The following DGKB variants were observed in gnomAD, a reference collection of about 807,000 sequenced individuals.
DGKB encodes the protein 90 kDa diacylglycerol kinase.
DGKB carries 67 observed loss-of-function variants against 114.3 expected under a neutral mutation model. That is an observed-to-expected ratio of 0.59 (90% CI 0.48 to 0.72). The LOEUF (loss-of-function observed/expected upper bound fraction) is 0.72, where lower values mean the gene tolerates loss of function less well. Ranked by LOEUF, DGKB falls within the 30% of genes least tolerant of loss-of-function variation. DGKB has a pLI of 0.00. For synonymous variants in DGKB, 398 were observed against 323.1 expected (o/e 1.23, Z -2.49); for missense variants, 907 against 975.2 (o/e 0.93, Z 0.93).
chr7:14,285,130 A>G (rs1800670824), intron 23 of DGKB, among the ~76,000 whole-genome samples: 1 of 152,188 alleles, frequency 6.6e-6, no homozygotes, highest in African/African-American at 2.4e-5. Context: ...ATTTCTTTAC[A>G]TTGAATCAAA....
Position 14,875,810 on chromosome 7 carries a change from G to GT in DGKB, c.-188+26781dup, listed in dbSNP as rs144483113. ...GTAAACTTTCTTAAAACATTATGAG[G>GT]TTTTTTTTTTGTGATTTTTGTGTCG... is the stretch of plus-strand genomic sequence containing the variant. On this transcript the variant is annotated intron_variant, in intron 1 of 25. Coordinates refer to ENST00000402815, the MANE Select transcript of DGKB (RefSeq NM_001350709.2). 9.8e-3 allele frequency among the ~76,000 whole-genome samples: 1,444 copies of GT among 147,656 alleles called. 19 individuals are homozygous for GT. The highest frequency in any genetic ancestry group is 0.029 in the African/African-American group (1,152 of 40,336).
chr7:14,284,107 C>A (rs1237608020), intron 23 of DGKB, among the ~76,000 whole-genome samples: 2 of 151,714 alleles, frequency 1.3e-5, no homozygotes, highest in East Asian at 3.9e-4. Context: ...ATTTTTGCAA[C>A]CTGCTCATCT....
Position 14,512,017 on chromosome 7 carries a change from T to C in DGKB, c.1771-33792A>G, listed in dbSNP as rs185383809. 1.1e-4 allele frequency among the ~76,000 whole-genome samples: 16 copies of C among 152,200 alleles called. No homozygotes were observed. The East Asian group carries it at 1.7e-3, about 17-fold the overall frequency. The stretch of plus-strand genomic sequence containing the variant: ...ACTTATCACAAATCACCAAAGCAGA[T>C]ATAATAATGAAAATATTTGAAATAT... On this transcript the variant is annotated intron_variant, in intron 20 of 25. Transcript: ENST00000402815.
At chr7:14,156,403 G>C (rs1456590549) in intron 25 of DGKB, among the ~76,000 whole-genome samples, 2 of 152,222 alleles carry the variant, frequency 1.3e-5, no homozygotes, top group Middle Eastern at 3.4e-3. Flanking sequence ...TGTGGTCTCT[G>C]AACTACTCAA....
chr7:14,491,708 T>A (rs1784622366), intron 20 of DGKB, among the ~76,000 whole-genome samples: 1 of 152,166 alleles, frequency 6.6e-6, no homozygotes, highest in Non-Finnish European at 1.5e-5. Flanking sequence ...ATTTAGTTCC[T>A]GGAGGATGTT....
chr7:14,285,346 A>G (rs1400633941), intron 23 of DGKB, among the ~76,000 whole-genome samples: 1 of 152,164 alleles, frequency 6.6e-6, no homozygotes, highest in Non-Finnish European at 1.5e-5. Context: ...AGGGGCTACA[A>G]ATTACTATTG....
At chr7:14,381,239 T>C (rs900449324) in intron 21 of DGKB, among the ~76,000 whole-genome samples, 1 of 152,078 alleles carries the variant, frequency 6.6e-6, no homozygotes, top group African/African-American at 2.4e-5. Context: ...AGCAAGTAGG[T>C]CAGGGTGATT....
chr7:14,938,311 CAG>C (rs1218807553), intron 1 of DGKB, among the ~76,000 whole-genome samples: 2 of 152,160 alleles, frequency 1.3e-5, no homozygotes, highest in African/African-American at 4.8e-5. Context: ...AGAGATTAAA[CAG>C]AATACAGAGC....
intron 19 of DGKB, among the ~76,000 whole-genome samples, chr7:14,576,633 A>C (rs1020580289): frequency 2.1e-4 from 32 of 152,192 alleles, no homozygotes; most frequent in African/African-American, 7.2e-4. Flanking sequence ...AAAAGGTTGA[A>C]TTTTTTCTCA....
At chr7:14,880,886 T>A (rs1854122435) in intron 1 of DGKB, among the ~76,000 whole-genome samples, 1 of 152,190 alleles carries the variant, frequency 6.6e-6, no homozygotes, top group Non-Finnish European at 1.5e-5. Flanking sequence ...CTACTTATGT[T>A]TATTTGCTCG....
chr7:14,190,008 C>A (rs759878560), intron 23 of DGKB, among the ~76,000 whole-genome samples: 1 of 152,066 alleles, frequency 6.6e-6, no homozygotes, highest in Non-Finnish European at 1.5e-5. Flanking sequence ...AAAAAATCAA[C>A]AAAGAAACAT....
At chr7:14,149,600 G>C (rs1243913275) in intron 25 of DGKB, among the ~76,000 whole-genome samples, 7 of 152,008 alleles carry the variant, frequency 4.6e-5, no homozygotes, top group African/African-American at 1.7e-4. Flanking sequence ...ATTTATTGAA[G>C]TCAGGAAAGA....
intron 23 of DGKB, among the ~76,000 whole-genome samples, chr7:14,290,600 G>C (rs921143536): frequency 6.6e-6 from 1 of 152,090 alleles, no homozygotes; most frequent in Non-Finnish European, 1.5e-5. Flanking sequence ...TGATGTGGAA[G>C]GAAATGACAT....
At chr7:14,728,900 C>G (rs1830421503) in intron 5 of DGKB, among the ~76,000 whole-genome samples, 1 of 151,774 alleles carries the variant, frequency 6.6e-6, no homozygotes, top group Non-Finnish European at 1.5e-5. Context: ...ACGGGTTTCA[C>G]TATGTTGGCC....
intron 23 of DGKB, among the ~76,000 whole-genome samples, chr7:14,274,969 G>T (rs1023051624): frequency 2.9e-4 from 43 of 146,592 alleles, no homozygotes; most frequent in East Asian, 7.8e-4. Context: ...GTGTGTGTGT[G>T]TGTGTTTGTG....
At chr7:14,567,626 A>T in intron 20 of DGKB, among the ~76,000 whole-genome samples, 1 of 132,494 alleles carries the variant, frequency 7.5e-6, no homozygotes, top group African/African-American at 2.9e-5. Flanking sequence ...TTTTTTATTG[A>T]GATGGAGTCT....
chr7:14,456,394 T>C (rs760116945), intron 21 of DGKB, among the ~76,000 whole-genome samples: 4 of 152,046 alleles, frequency 2.6e-5, no homozygotes, highest in Admixed American at 2.0e-4. Flanking sequence ...AACATAATCA[T>C]TGGCAGTACC....
intron 4 of DGKB, among the ~76,000 whole-genome samples, chr7:14,741,062 C>T (rs937825908): frequency 3.3e-5 from 5 of 152,126 alleles, no homozygotes; most frequent in African/African-American, 1.2e-4. Flanking sequence ...GAAAAAAATG[C>T]CTTCTTTGTC....
intron 21 of DGKB, among the ~76,000 whole-genome samples, chr7:14,449,031 ACT>A (rs556072066): frequency 3.3e-5 from 5 of 152,082 alleles, no homozygotes; most frequent in Non-Finnish European, 7.4e-5. Flanking sequence ...GTCCTTAGGA[ACT>A]CACAACTACA....
Sources: gnomAD v4.1 joint callset for allele counts (sites outside exome capture counted in the v4.1 genomes callset) on GRCh38, gnomAD v4.1.1 for gene constraint, MANE v1.5 for transcripts, NCBI Gene and HGNC (gene_info 2026-07-23, HGNC 2026-07-21) for gene names.